Variants in COL6A2 observed in about 807,000 individuals in gnomAD.
COL6A2 encodes the protein collagen alpha-2(VI) chain.
A neutral mutation model predicts 124.9 loss-of-function variants in COL6A2; 90 were observed. The ratio of observed to expected loss-of-function variants is 0.72; its 90% confidence interval spans 0.61 to 0.86. The LOEUF (loss-of-function observed/expected upper bound fraction) is 0.86. Ranked by LOEUF, COL6A2 falls within the 40% of genes least tolerant of loss-of-function variation. The pLI is 0.00. For missense variants in COL6A2, 1,607 were observed against 1,502.5 expected (o/e 1.07, Z -1.15); for synonymous variants, 793 against 618.2 (o/e 1.28, Z -4.19).
At chr21:46,126,658 C>G (rs140006946) in intron 27 of COL6A2, 117 bp downstream of exon 27, 1 of 1,257,088 alleles carries the variant, frequency 8.0e-7, no homozygotes. Flanking sequence ...GCGGCGGAGC[C>G]ACTGCGGAGG....
Position 46,112,538 on chromosome 21 carries a change from G to A in COL6A2, c.675G>A (p.Glu225=). Residue 225 remains glutamate (E), a synonymous_variant, in exon 3 of 28, where the codon GAG becomes GAA. Transcript: ENST00000300527. ...CCACCATGCTGCCCGACTCCACCGA[G>A]ATCGACCAGGACACCATCAACCGCA... is the stretch of plus-strand genomic sequence containing the variant. ...DYATMLPDST[E]IDQDTINRII... 1 of 1,612,020 alleles carries A rather than the reference G, an allele frequency of 6.2e-7. No individual in the cohort carries two copies. Among genetic ancestry groups the A allele is most frequent in the Non-Finnish European group, 8.5e-7 (1 of 1,179,786 alleles).
chr21:46,113,998 C>T lies in COL6A2; in HGVS notation c.736-10C>T. 3.7e-6 allele frequency: 6 copies of T among 1,613,624 alleles called. No individual in the cohort carries two copies. Among genetic ancestry groups the T allele is most frequent in the Non-Finnish European group, 5.1e-6 (6 of 1,179,688 alleles). ...CCATGCAACCTTCTGTCTCTGCTTC[C>T]TCGTTTCAGTGCTACAAGGTGAGCT... On this transcript the variant is annotated splice_polypyrimidine_tract_variant and intron_variant, in intron 4 of 27. Coordinates refer to ENST00000300527, the MANE Select transcript of COL6A2 (RefSeq NM_001849.4).
Position 46,119,900 on chromosome 21 carries a change from GC to G in COL6A2, c.1332+53del, listed in dbSNP as rs535409844. The stretch of plus-strand genomic sequence containing the variant: ...CAGGGTCTCACTGTGGTGCCCATGG[GC>G]CCTGCTGACGAGGGCCCCAACCCCA... On this transcript the variant is annotated intron_variant, in intron 15 of 27. Transcript: ENST00000300527. 4.7e-4 allele frequency: 707 copies of G among 1,513,914 alleles called. 3 individuals carry two copies. In the African/African-American group the frequency reaches 9.0e-3, roughly 19 times the overall value. 93.8% of individuals were successfully genotyped at this position (1,513,914 alleles called of 1,614,324 possible).
Position 46,112,442 on chromosome 21 carries a change from C to G in COL6A2, c.579C>G (p.Asn193Lys), listed in dbSNP as rs543459550. The change falls in exon 3 of 28, where the codon AAC (asparagine) becomes AAG (lysine). Residue 193 changes from asparagine (N) to lysine (K), a missense_variant. This residue lies in a region of COL6A2 where 342 missense variants were observed against 381.5 expected (regional missense o/e 0.90). Coordinates refer to ENST00000300527, the MANE Select transcript of COL6A2 (RefSeq NM_001849.4). ...EGIRLFAVAP[N>K]QNLKEQGLRD... ...TCCGGCTCTTCGCCGTGGCCCCCAA[C>G]CAGAACCTGAAGGAGCAGGGCCTGC... 4 of 1,610,136 alleles carry G rather than the reference C, an allele frequency of 2.5e-6. No individual in the cohort carries two copies. Among genetic ancestry groups the G allele is most frequent in the South Asian group, 1.1e-5 (1 of 91,050 alleles).
In COL6A2 at chr21:46,118,602, A is replaced by C. The variant is rs774259975; in HGVS notation, c.1117-12A>C. 2 of 1,612,380 alleles carry C rather than the reference A, an allele frequency of 1.2e-6. No individual in the cohort carries two copies. The highest frequency in any genetic ancestry group is 1.7e-6 in the Non-Finnish European group (2 of 1,179,800). On this transcript the variant is annotated splice_polypyrimidine_tract_variant and intron_variant, in intron 12 of 27. Coordinates refer to ENST00000300527, the MANE Select transcript of COL6A2 (RefSeq NM_001849.4). Reference sequence around the variant, plus strand: ...CCAAAAGACGTGAGGCTGATTCTGCAAACCCTTCCAGGGGGACCCTGGCCG... The same window carrying C: ...CCAAAAGACGTGAGGCTGATTCTGCCAACCCTTCCAGGGGGACCCTGGCCG...
rs1014869996 is a variant in COL6A2 at position 46,116,887 on chromosome 21, C to T, written c.999+73C>T. 4.7e-6 allele frequency: 7 copies of T among 1,475,528 alleles called. No individual in the cohort carries two copies. The highest frequency in any genetic ancestry group is 6.6e-6 in the Non-Finnish European group (7 of 1,057,364). The allele number at this position is 1,475,528 out of a possible 1,614,324, so 91.4% of individuals were successfully genotyped here. On this transcript the variant is annotated intron_variant, in intron 10 of 27. Coordinates refer to ENST00000300527, the MANE Select transcript of COL6A2 (RefSeq NM_001849.4). This position sits in a 1 kb window ranked among gnomAD's most constrained non-coding sequence, Gnocchi z 4.6. ...CCCAGCCTCTGCAGGGCCCCCAGATCCAGCCTGATCTGTCAGCTTACACAT... is the reference window on the plus strand; with the variant it reads ...CCCAGCCTCTGCAGGGCCCCCAGATTCAGCCTGATCTGTCAGCTTACACAT...
intron 12 of COL6A2, among the ~76,000 whole-genome samples, 165 bp from the exon 13 acceptor site, chr21:46,118,449 G>A (rs770823363): frequency 4.6e-5 from 7 of 152,184 alleles, no homozygotes; most frequent in Non-Finnish European, 7.4e-5. Context: ...CAGCTGGCAC[G>A]GAGGTTCCAG....
chr21:46,128,662 G>A (rs1288584064), intron 27 of COL6A2, among the ~76,000 whole-genome samples: 2 of 152,244 alleles, frequency 1.3e-5, no homozygotes, highest in Non-Finnish European at 2.9e-5. Context: ...GAGCTGCATA[G>A]GGGCCACAGC....
At chr21:46,121,231 C>T in intron 17 of COL6A2, 108 bp downstream of exon 17, 1 of 1,127,030 alleles carries the variant, frequency 8.9e-7, no homozygotes, top group South Asian at 1.3e-5. Context: ...CAAACCCAGG[C>T]AGCAGAGCCT....
intron 19 of COL6A2, 76 bp from the exon 20 acceptor site, chr21:46,122,420 G>A: frequency 5.7e-6 from 9 of 1,590,694 alleles, no homozygotes; most frequent in Non-Finnish European, 7.8e-6. Flanking sequence ...AAACGGGGCT[G>A]CAGAAAGCTG....
At chr21:46,108,496 A>T (rs2078359695) in intron 1 of COL6A2, among the ~76,000 whole-genome samples, 1 of 152,218 alleles carries the variant, frequency 6.6e-6, no homozygotes, top group African/African-American at 2.4e-5. Context: ...TTTTGTGTAA[A>T]ATATGATGTG....
chr21:46,123,584 G>T (rs2078601678), intron 21 of COL6A2, among the ~76,000 whole-genome samples: 1 of 152,144 alleles, frequency 6.6e-6, no homozygotes, highest in South Asian at 2.1e-4. Flanking sequence ...GTGAATAGAA[G>T]AGTGGGTGGA....
chr21:46,103,581 C>T (rs1284416197), intron 1 of COL6A2, among the ~76,000 whole-genome samples: 1 of 152,152 alleles, frequency 6.6e-6, no homozygotes, highest in Admixed American at 6.5e-5. Flanking sequence ...CACTGTCGAA[C>T]AAGTTTTTAA....
In COL6A2 at chr21:46,132,630, G is replaced by A. The variant is rs1461180695; in HGVS notation, c.*78G>A. On this transcript the variant is annotated 3_prime_UTR_variant, in exon 28 of 28. Transcript: ENST00000300527. ...TGCTAAGCGGGCCCGGGTCCCACACGGCCAGCACCGCTGCTCACTCGGACG... is the reference window on the plus strand; with the variant it reads ...TGCTAAGCGGGCCCGGGTCCCACACAGCCAGCACCGCTGCTCACTCGGACG... The A allele has an allele frequency of 5.9e-5, 81 of 1,371,572 alleles. 1 individual carries two copies. The South Asian group carries it at 6.9e-4, about 12-fold the overall frequency. The allele number at this position is 1,371,572 out of a possible 1,614,324, so 85.0% of individuals were successfully genotyped here. A position where few individuals can be genotyped will look rare whatever the true frequency, so the allele number is the denominator to read the frequency against.
In COL6A2 at chr21:46,119,847, G is replaced by A. The variant is rs1159935218; in HGVS notation, c.1329G>A (p.Glu443=). The A allele has an allele frequency of 1.9e-6, 3 of 1,558,714 alleles. No individual in the cohort carries two copies. Among genetic ancestry groups the A allele is most frequent in the East Asian group, 4.7e-5 (2 of 42,438 alleles). ...GSPGSDGPKG[E]KGDPGPEGPR... is the part of the protein sequence containing the mutation. ...CAGGCAGCGATGGCCCCAAGGGGGA[G>A]AAGGTGAGTCCTCGTGTGGAGGCAG... The change falls in exon 15 of 28, where the codon GAG becomes GAA. Residue 443 remains glutamate (E), a synonymous_variant. Transcript: ENST00000300527.
At chr21:46,107,120 C>G (rs928266756) in intron 1 of COL6A2, among the ~76,000 whole-genome samples, 1 of 151,442 alleles carries the variant, frequency 6.6e-6, no homozygotes, top group East Asian at 1.9e-4. Context: ...CAGTTGATTC[C>G]TTGGGTTTAT....
chr21:46,109,767 C>T (rs992664611), intron 1 of COL6A2, among the ~76,000 whole-genome samples: 2 of 152,140 alleles, frequency 1.3e-5, no homozygotes, highest in Admixed American at 6.5e-5. Flanking sequence ...GTGGTGGGAG[C>T]GGGAAGAAGC....
chr21:46,104,322 A>G lies in COL6A2; in HGVS notation c.-28+6149A>G, dbSNP rs540603349. ...AATGTAGGAACAAATGAAAATATCA[A>G]TAAAAAGCTAGAAATTTTAAAAAGA... On this transcript the variant is annotated intron_variant, in intron 1 of 27. Transcript: ENST00000300527. Among the ~76,000 whole-genome samples the G allele has an allele frequency of 2.0e-5, 3 of 152,324 alleles. No individual in the cohort carries two copies. In the South Asian group the frequency reaches 6.2e-4, roughly 32 times the overall value.
chr21:46,121,667 C>T, intron 18 of COL6A2, 49 bp downstream of exon 18: 1 of 1,592,858 alleles, frequency 6.3e-7, no homozygotes, highest in Non-Finnish European at 8.6e-7. Context: ...GGGGCAGCTG[C>T]CTGAGGAGCA....
Sources: gnomAD v4.1 joint callset for allele counts (sites outside exome capture counted in the v4.1 genomes callset) on GRCh38, gnomAD v4.1.1 for gene constraint, gnomAD v4.1.1 regional missense constraint, Gnocchi (gnomAD v3.1) non-coding constraint, MANE v1.5 for transcripts, NCBI Gene and HGNC (gene_info 2026-07-23, HGNC 2026-07-21) for gene names.